Variants in TOGARAM1 observed in about 807,000 individuals in gnomAD.
TOGARAM1 encodes TOG array regulator of axonemal microtubules 1, also known as TOG array regulator of axonemal microtubules protein 1.
Under a neutral mutation model 166.6 loss-of-function variants are expected in TOGARAM1, and 100 were observed. That is an observed-to-expected ratio of 0.60 (90% confidence interval 0.51 to 0.71). The LOEUF is 0.71. Ranked by LOEUF, TOGARAM1 falls within the 30% of genes least tolerant of loss-of-function variation. The pLI is 0.00. For missense variants in TOGARAM1, 2,029 were observed against 2,102.7 expected, an observed-to-expected ratio of 0.96 and a Z score of 0.69; for synonymous variants, 758 against 763.8, an observed-to-expected ratio of 0.99 and a Z score of 0.13.
At chr14:45,058,484 G>A (rs945131920) in intron 16 of TOGARAM1, among the ~76,000 whole-genome samples, 4 of 151,998 alleles carry the variant, frequency 2.6e-5, no homozygotes, top group African/African-American at 7.3e-5. Context: ...TAGTAGAGAC[G>A]GGGTTTCACT....
intron 1 of TOGARAM1, chr14:44,995,532 G>A (rs1434426524): frequency 3.6e-6 from 2 of 554,596 alleles, no homozygotes; most frequent in Non-Finnish European, 6.9e-6. Flanking sequence ...TTGGGGTGAA[G>A]TAGTAAGAAA....
At chr14:44,985,459 G>C (rs1594622467) in intron 1 of TOGARAM1, among the ~76,000 whole-genome samples, 1 of 152,298 alleles carries the variant, frequency 6.6e-6, no homozygotes, top group Non-Finnish European at 1.5e-5. Flanking sequence ...ACTAGGGGGT[G>C]GGGGATGGTT....
intron 1 of TOGARAM1, among the ~76,000 whole-genome samples, chr14:44,990,953 C>CTTTGTTTTTTTT (rs1887091168): frequency 1.3e-5 from 1 of 74,200 alleles, no homozygotes; most frequent in African/African-American, 7.2e-5. Context: ...CCAGCTGAGG[C>CTTTGTTTTTTTT]TTTTTTTTTT....
intron 7 of TOGARAM1, chr14:45,022,985 T>TA (rs1229080688): frequency 6.6e-6 from 1 of 152,168 alleles, no homozygotes; most frequent in Non-Finnish European, 1.5e-5. Flanking sequence ...TAAGCATACT[T>TA]AGAGTCTGTA....
intron 11 of TOGARAM1, among the ~76,000 whole-genome samples, chr14:45,034,774 A>G (rs1433447828): frequency 6.6e-6 from 1 of 152,220 alleles, no homozygotes; most frequent in Non-Finnish European, 1.5e-5. Context: ...AAATAACTAT[A>G]TCCCAGAACA....
intron 7 of TOGARAM1, among the ~76,000 whole-genome samples, chr14:45,016,662 G>T (rs1880159104): frequency 6.6e-6 from 1 of 152,192 alleles, no homozygotes; most frequent in African/African-American, 2.4e-5. Flanking sequence ...CTCCTGAAAT[G>T]CTGGGATTAC....
In TOGARAM1 at chr14:44,962,986, C is replaced by T. The variant is rs2138697649; in HGVS notation, c.565C>T (p.Arg189Trp). 6.2e-7 allele frequency: 1 copy of T among 1,614,152 alleles called. No individual in the cohort carries two copies. The highest frequency in any genetic ancestry group is 8.5e-7 in the Non-Finnish European group (1 of 1,180,022). ...TTTGCCTCAACTAGTTGTCTCGTTA[C>T]GGGAAGAGAATCCAGCCCTGCGGAA... ...ALLPQLVVSL[R>W]EENPALRKDA... Residue 189 changes from arginine (R) to tryptophan (W), a missense_variant, in exon 1 of 20, where the codon CGG (arginine) becomes TGG (tryptophan). By Grantham distance (101) the Arg-to-Trp change is moderately radical (BLOSUM62 -3). Transcript: ENST00000361462.
Position 45,063,542 on chromosome 14 carries a change from T to C in TOGARAM1, c.4560-3036T>C, listed in dbSNP as rs900582834. Among the ~76,000 whole-genome samples the C allele has an allele frequency of 2.0e-5, 3 of 147,636 alleles. No homozygotes were observed. The Admixed American group carries it at 2.1e-4, about 10-fold the overall frequency. ...CACTGTCGCCCAAGGTGGAGTACAG[T>C]GGCGTGATCTCACTGCAACCTCTGC... is the stretch of plus-strand genomic sequence containing the variant. On this transcript the variant is annotated intron_variant, in intron 16 of 19. Coordinates refer to ENST00000361462, the MANE Select transcript of TOGARAM1 (RefSeq NM_001308120.2).
At chr14:44,988,203 A>G (rs756329055) in intron 1 of TOGARAM1, among the ~76,000 whole-genome samples, 8 of 152,086 alleles carry the variant, frequency 5.3e-5, no homozygotes, top group Non-Finnish European at 8.8e-5. Flanking sequence ...ATGTATACAT[A>G]TGTAACAAAC....
intron 1 of TOGARAM1, among the ~76,000 whole-genome samples, chr14:44,992,285 C>T (rs1370283893): frequency 1.3e-5 from 2 of 151,912 alleles, no homozygotes; most frequent in Admixed American, 1.3e-4. Flanking sequence ...GTGATGTTTA[C>T]AGAAGGTAAC....
At chr14:45,064,656 T>A (rs760560431) in intron 16 of TOGARAM1, among the ~76,000 whole-genome samples, 13 of 152,262 alleles carry the variant, frequency 8.5e-5, no homozygotes, top group Admixed American at 2.0e-4. Context: ...GTTTTTTGTA[T>A]TTTTTGTACA....
At position 45,044,879 on chromosome 14, in the gene TOGARAM1, C is replaced by G; in HGVS notation, c.4154+9C>G. On this transcript the variant is annotated intron_variant, in intron 13 of 19. Transcript: ENST00000361462. ...ATCAATGGTGGACAAAGGTAATGTTCAAAATAACCTTGAAATGTCTTTAAA... is the reference window on the plus strand; with the variant it reads ...ATCAATGGTGGACAAAGGTAATGTTGAAAATAACCTTGAAATGTCTTTAAA... 6.3e-7 allele frequency: 1 copy of G among 1,578,216 alleles called. No homozygotes were observed. The highest frequency in any genetic ancestry group is 8.7e-7 in the Non-Finnish European group (1 of 1,153,566).
In TOGARAM1 at chr14:45,074,020, A is replaced by G. The variant is rs1389641950; in HGVS notation, c.*459A>G. ...AGTTTGTATATTATTTGTGAAAAAC[A>G]TGTATTTCTGAATCAGTCCGCTAAT... On this transcript the variant is annotated 3_prime_UTR_variant, in exon 20 of 20. Coordinates refer to ENST00000361462, the MANE Select transcript of TOGARAM1 (RefSeq NM_001308120.2). The G allele has an allele frequency of 6.5e-6, 1 of 154,400 alleles. No homozygotes were observed. Among genetic ancestry groups the G allele is most frequent in the Non-Finnish European group, 1.4e-5 (1 of 69,332 alleles). 9.6% of individuals were successfully genotyped at this position (154,400 alleles called of 1,614,324 possible).
intron 15 of TOGARAM1, 78 bp downstream of exon 15, chr14:45,052,640 ATTAT>A (rs1882431243): frequency 1.2e-5 from 16 of 1,304,680 alleles, no homozygotes; most frequent in Non-Finnish European, 1.6e-5. Context: ...GATAGGAATA[ATTAT>A]TTATTTGATT....
In TOGARAM1 at chr14:44,963,419, ATCCCCT is replaced by A; in HGVS notation, c.1003_1008del (p.Leu335_Pro336del). On this transcript the variant is annotated inframe_deletion, in exon 1 of 20. Transcript: ENST00000361462. ...CTTGAAGCCTCTGGATTTCCTGAAGATCCCCTTCCCTGTGCAGTGACTCTTTCCAAC... is the reference window on the plus strand; with the variant it reads ...CTTGAAGCCTCTGGATTTCCTGAAGATCCCTGTGCAGTGACTCTTTCCAAC... 1 of 1,614,112 alleles carries A rather than the reference ATCCCCT, an allele frequency of 6.2e-7. No homozygotes were observed. Among genetic ancestry groups the A allele is most frequent in the Non-Finnish European group, 8.5e-7 (1 of 1,180,022 alleles).
chr14:45,001,561 A>T (rs1887690243), intron 3 of TOGARAM1, among the ~76,000 whole-genome samples: 1 of 152,204 alleles, frequency 6.6e-6, no homozygotes, highest in African/African-American at 2.4e-5. Flanking sequence ...CAATAGCAAA[A>T]AAACAAAAAT....
chr14:45,061,534 C>T (rs1364222617), intron 16 of TOGARAM1, among the ~76,000 whole-genome samples: 1 of 152,130 alleles, frequency 6.6e-6, no homozygotes, highest in Middle Eastern at 3.2e-3. Context: ...TCATAGAAAG[C>T]TCTTTATCAA....
intron 16 of TOGARAM1, among the ~76,000 whole-genome samples, chr14:45,060,559 A>T (rs1464283785): frequency 6.6e-6 from 1 of 152,102 alleles, no homozygotes; most frequent in Non-Finnish European, 1.5e-5. Flanking sequence ...ACTAAATAAG[A>T]ATTGGTAATT....
At position 45,025,825 on chromosome 14, in the gene TOGARAM1, C is replaced by G. The variant is rs560247723; in HGVS notation, c.3281C>G (p.Thr1094Arg). 5 of 1,610,480 alleles carry G rather than the reference C, an allele frequency of 3.1e-6. No individual in the cohort carries two copies. The African/African-American group carries it at 6.7e-5, about 21-fold the overall frequency. ...NPQQISSFDFTTTKALSEDSV... is the reference protein window; with the variant it reads ...NPQQISSFDFRTTKALSEDSV... ...CAGCAAATTTCCAGTTTTGACTTCACAACCACAAAGGCTTTATCAGAAGAC... is the reference window on the plus strand; with the variant it reads ...CAGCAAATTTCCAGTTTTGACTTCAGAACCACAAAGGCTTTATCAGAAGAC... The change falls in exon 8 of 20, where the codon ACA becomes AGA. Residue 1094 changes from threonine to arginine, a missense_variant. Around this residue, in one of 2 missense-constraint regions of TOGARAM1, gnomAD observed 1,453 missense variants for 1,432.2 expected, o/e 1.01. Transcript: ENST00000361462.
Sources: gnomAD v4.1 joint callset for allele counts (sites outside exome capture counted in the v4.1 genomes callset) on GRCh38, gnomAD v4.1.1 for gene constraint, gnomAD v4.1.1 regional missense constraint, MANE v1.5 for transcripts, NCBI Gene and HGNC (gene_info 2026-07-23, HGNC 2026-07-21) for gene names.